The following TESMIN variants were observed in gnomAD, a reference collection of about 807,000 sequenced individuals.
The protein encoded by TESMIN is CXC domain containing 2.
TESMIN carries 34 observed loss-of-function variants against 47.4 expected under a neutral mutation model. The observed-to-expected ratio is 0.72, with a 90% CI of 0.55 to 0.96. The LOEUF (loss-of-function observed/expected upper bound fraction) is 0.96, where lower values mean the gene tolerates loss of function less well. Ranked by LOEUF, TESMIN falls within the 40% of genes least tolerant of loss-of-function variation. The pLI, the probability that TESMIN is intolerant of heterozygous loss-of-function variation, is 0.00. For missense variants in TESMIN, 610 were observed against 637.2 expected, an observed-to-expected ratio of 0.96 and a Z score of 0.46; for synonymous variants, 278 against 258.9, an observed-to-expected ratio of 1.07 and a Z score of -0.71.
chr11:68,730,594 A>T (rs1308427168), intron 6 of TESMIN, among the ~76,000 whole-genome samples: 1 of 152,180 alleles, frequency 6.6e-6, no homozygotes, highest in African/African-American at 2.4e-5. Context: ...CAGGAGTTTG[A>T]GACCAGCCTG....
At chr11:68,738,452 C>G in intron 6 of TESMIN, 1 of 1,284,726 alleles carries the variant, frequency 7.8e-7, no homozygotes, top group Non-Finnish European at 9.9e-7. Context: ...CAACATAGGA[C>G]AGCGGACAGG....
At chr11:68,711,953 T>C (rs1946078345) in intron 8 of TESMIN, among the ~76,000 whole-genome samples, 1 of 152,252 alleles carries the variant, frequency 6.6e-6, no homozygotes, top group Non-Finnish European at 1.5e-5. Context: ...CCAATCACTA[T>C]GGTTTTTGGC....
intron 4 of TESMIN, among the ~76,000 whole-genome samples, chr11:68,742,968 C>G (rs1027865809): frequency 4.6e-5 from 7 of 152,096 alleles, no homozygotes; most frequent in Admixed American, 3.3e-4. Flanking sequence ...CCTTGACCCC[C>G]CTAGGCTCAA....
chr11:68,737,203 A>G, intron 6 of TESMIN: 1 of 985,424 alleles, frequency 1.0e-6, no homozygotes, highest in Non-Finnish European at 1.2e-6. Flanking sequence ...ACCAATTACA[A>G]TCATAGCAAC....
intron 6 of TESMIN, among the ~76,000 whole-genome samples, chr11:68,721,407 C>G (rs12419266): frequency 0.016 from 2,475 of 152,276 alleles, 247 homozygotes; most frequent in Admixed American, 0.15. Context: ...AAGCCTTCCC[C>G]GACTGCCATG....
At chr11:68,710,177 A>T (rs1946047118) in intron 9 of TESMIN, among the ~76,000 whole-genome samples, 1 of 152,222 alleles carries the variant, frequency 6.6e-6, no homozygotes, top group Non-Finnish European at 1.5e-5. Context: ...AGACCCCTGT[A>T]GGTCACAATC....
At chr11:68,706,133 G>T (rs888092242), downstream of TESMIN, among the ~76,000 whole-genome samples, 2 of 151,702 alleles carry the variant, frequency 1.3e-5, no homozygotes, top group African/African-American at 4.8e-5. Context: ...CTGGCTCTCC[G>T]CCAAACACAT....
chr11:68,713,363 C>T lies in TESMIN; in HGVS notation c.1065G>A (p.Gly355=). ...RNPEAFQPKI[G]KGQLGNVKPQ... ...GCTTGACATTGCCCAATTGGCCCTT[C>T]CCAATTTTTGGCTGGAAAGCTTCTG... is the stretch of plus-strand genomic sequence containing the variant. The change falls in exon 8 of 10, where the codon GGG becomes GGA. Residue 355 remains glycine (G), a synonymous_variant. Transcript: ENST00000255087. 1 of 1,614,174 alleles carries T rather than the reference C, an allele frequency of 6.2e-7. No individual in the cohort carries two copies. The highest frequency in any genetic ancestry group is 8.5e-7 in the Non-Finnish European group (1 of 1,180,022).
chr11:68,708,078 C>T lies in TESMIN; in HGVS notation c.*230G>A, dbSNP rs1946017466. The T allele has an allele frequency of 1.9e-6, 1 of 532,968 alleles. No individual in the cohort carries two copies. The highest frequency in any genetic ancestry group is 3.2e-5 in the Admixed American group (1 of 31,456). 33.0% of individuals were successfully genotyped at this position (532,968 alleles called of 1,614,324 possible). A position where few individuals can be genotyped will look rare whatever the true frequency, so the allele number is the denominator to read the frequency against. ...ACACTCTCCCAGGACTATGGGAACC[C>T]AAGCTCTCTCCTCTGGGCCAGACAA... On this transcript the variant is annotated 3_prime_UTR_variant, in exon 10 of 10. Transcript: ENST00000255087.
At chr11:68,735,985 G>T in intron 6 of TESMIN, 1 of 746,662 alleles carries the variant, frequency 1.3e-6, no homozygotes, top group Non-Finnish European at 1.6e-6. Context: ...CACTTCCATG[G>T]CTCCAGATGG....
At chr11:68,716,730 C>T (rs962108016) in intron 6 of TESMIN, among the ~76,000 whole-genome samples, 2 of 151,804 alleles carry the variant, frequency 1.3e-5, no homozygotes, top group Admixed American at 6.6e-5. Flanking sequence ...TACAGGCACG[C>T]GCTTTACCCT....
intron 6 of TESMIN, among the ~76,000 whole-genome samples, chr11:68,730,812 A>T (rs910719512): frequency 2.0e-4 from 30 of 152,246 alleles, no homozygotes; most frequent in African/African-American, 7.0e-4. Context: ...AAAAAAAAAA[A>T]AATTTAAAAT....
chr11:68,734,684 C>T (rs987350879), intron 6 of TESMIN, among the ~76,000 whole-genome samples: 5 of 152,218 alleles, frequency 3.3e-5, no homozygotes, highest in Non-Finnish European at 7.3e-5. Flanking sequence ...GCATCTTAGT[C>T]TTGGGTTTTC....
chr11:68,736,711 A>G, intron 6 of TESMIN: 1 of 966,862 alleles, frequency 1.0e-6, no homozygotes, highest in Non-Finnish European at 1.2e-6. Context: ...AAAGAAAAAC[A>G]TGTGACTGAT....
At chr11:68,737,819 A>G (rs753323754) in intron 6 of TESMIN, 5 of 769,836 alleles carry the variant, frequency 6.5e-6, no homozygotes, top group Non-Finnish European at 7.9e-6. Context: ...AGGCTGAGGA[A>G]GGAGAATTGC....
chr11:68,713,701 G>A (rs533907102), intron 7 of TESMIN, among the ~76,000 whole-genome samples: 2 of 152,124 alleles, frequency 1.3e-5, no homozygotes, highest in African/African-American at 4.8e-5. Flanking sequence ...CATTATTTCC[G>A]TGTGGACACA....
chr11:68,750,169 C>T (rs1206066430), intron 2 of TESMIN, 21 bp downstream of exon 2: 8 of 1,446,666 alleles, frequency 5.5e-6, no homozygotes, highest in Non-Finnish European at 1.8e-6. Flanking sequence ...GAGCTGTGCC[C>T]ATTCCCCAGG....
intron 9 of TESMIN, 75 bp from the exon 10 acceptor site, chr11:68,708,575 G>T: frequency 2.4e-6 from 3 of 1,270,706 alleles, no homozygotes; most frequent in South Asian, 3.1e-5. Context: ...ATATTCAACA[G>T]AACATTGCTT....
intron 5 of TESMIN, among the ~76,000 whole-genome samples, chr11:68,741,694 C>T (rs1429908734): frequency 6.6e-6 from 1 of 152,170 alleles, no homozygotes; most frequent in African/African-American, 2.4e-5. Flanking sequence ...ATGAACGAGA[C>T]ACATATGGCC....
Sources: allele counts gnomAD v4.1 joint callset (sites outside exome capture counted in the v4.1 genomes callset), GRCh38; gene constraint gnomAD v4.1.1; transcripts MANE v1.5; gene names NCBI Gene and HGNC (gene_info 2026-07-23, HGNC 2026-07-21).